LTF: variants seen among roughly 807,000 people sequenced by gnomAD.
LTF encodes lactotransferrin, also known as epididymis luminal protein 110.
LTF carries 91 observed loss-of-function variants against 87.2 expected under a neutral mutation model. The observed-to-expected ratio is 1.04, with a 90% confidence interval of 0.88 to 1.24. The LOEUF is 1.24. Among genes scored for constraint, LTF ranks in the 50% most tolerant of loss-of-function variants. LTF has a pLI of 0.00. For missense variants in LTF, 901 were observed against 904.3 expected (o/e 1.00, Z 0.05); for synonymous variants, 378 against 356.1 (o/e 1.06, Z -0.69).
chr3:46,465,080 C>A (rs1703182995), upstream of LTF: 1 of 597,938 alleles, frequency 1.7e-6, no homozygotes, highest in Non-Finnish European at 3.0e-6. Context: ...GAGAGGAAAG[C>A]CAGCCTGCAC....
intron 1 of LTF, among the ~76,000 whole-genome samples, chr3:46,484,368 T>C (rs556450889): frequency 3.1e-4 from 47 of 152,250 alleles, no homozygotes; most frequent in African/African-American, 1.1e-3. Flanking sequence ...CACTGCTTGA[T>C]CCTCAGCCAT....
At chr3:46,452,170 T>C (rs928541675) in intron 6 of LTF, among the ~76,000 whole-genome samples, 1 of 151,684 alleles carries the variant, frequency 6.6e-6, no homozygotes, top group African/African-American at 2.4e-5. Flanking sequence ...CTCAGAGGAG[T>C]AACAAGTTAT....
chr3:46,464,504 A>G (rs1335350086), intron 1 of LTF, among the ~76,000 whole-genome samples: 4 of 152,192 alleles, frequency 2.6e-5, no homozygotes, highest in African/African-American at 9.7e-5. Flanking sequence ...CTTTCCTCCC[A>G]GGTAAAACGC....
chr3:46,474,376 G>A (rs1420177929), intron 1 of LTF, among the ~76,000 whole-genome samples: 2 of 152,338 alleles, frequency 1.3e-5, no homozygotes, highest in African/African-American at 4.8e-5. Context: ...GAAACATTAT[G>A]TAATAATGAA....
Position 46,455,330 on chromosome 3 carries a change from G to A in LTF, c.612C>T (p.Ser204=), listed in dbSNP as rs150338070. 519 of 1,614,100 alleles carry A rather than the reference G, an allele frequency of 3.2e-4. 1 individual carries two copies. Among genetic ancestry groups the A allele is most frequent in the Non-Finnish European group, 4.0e-4 (468 of 1,180,046 alleles). ...GTGENKCAFS[S]QEPYFSYSGA... is the part of the protein sequence containing the mutation. The stretch of plus-strand genomic sequence containing the variant: ...CAGAGTAGCTGAAGTACGGTTCCTG[G>A]GAGGAGAAGGCACATTTGTTTTCCC... Residue 204 remains serine, a synonymous_variant, in exon 5 of 17, where the codon TCC becomes TCT. Coordinates refer to ENST00000231751, the MANE Select transcript of LTF (RefSeq NM_002343.6).
chr3:46,451,587 A>G (rs1427847115), intron 6 of LTF, among the ~76,000 whole-genome samples: 2 of 152,064 alleles, frequency 1.3e-5, no homozygotes, highest in East Asian at 3.9e-4. Context: ...AATAGATAGA[A>G]TCGGTAAAGT....
chr3:46,447,830 C>G (rs1038774711), intron 9 of LTF, among the ~76,000 whole-genome samples: 1 of 152,112 alleles, frequency 6.6e-6, no homozygotes, highest in African/African-American at 2.4e-5. Flanking sequence ...TGGCCCACCA[C>G]CAGAATGAAC....
At position 46,455,960 on chromosome 3, in the gene LTF, T is replaced by C. The variant is rs767396318; in HGVS notation, c.335A>G (p.Tyr112Cys). The stretch of plus-strand genomic sequence containing the variant: ...GCCCTTCTTCACCACAGCCACGGCA[T>C]AATAGTGAGTTCGTGGCTCTGCAAA... ...GTERQPRTHY[Y>C]AVAVVKKGGS... The change falls in exon 4 of 17, where the codon TAT (tyrosine) becomes TGT (cysteine). Residue 112 changes from tyrosine (Y) to cysteine (C), a missense_variant. Coordinates refer to ENST00000231751, the MANE Select transcript of LTF (RefSeq NM_002343.6). The C allele has an allele frequency of 5.6e-6, 9 of 1,597,480 alleles. No homozygotes were observed. In the South Asian group the frequency reaches 1.0e-4, roughly 18 times the overall value.
At chr3:46,457,904 A>G (rs1317036303) in intron 2 of LTF, among the ~76,000 whole-genome samples, 2 of 151,616 alleles carry the variant, frequency 1.3e-5, no homozygotes, top group African/African-American at 4.9e-5. Flanking sequence ...CAGCCTCCTG[A>G]GTAGCTGGGA....
rs6773340 is a variant in LTF at position 46,482,595 on chromosome 3, G to A, written c.-320+2391C>T. The stretch of plus-strand genomic sequence containing the variant: ...GAAAGGAAAGGAAGGGAGAAAGAGA[G>A]AGAAAGAAAGAAAGAAGAAAGAAAG... On this transcript the variant is annotated intron_variant, in intron 1 of 19. Coordinates refer to the LTF transcript ENST00000443496. 7.7e-3 allele frequency among the ~76,000 whole-genome samples: 604 copies of A among 78,108 alleles called. 108 individuals carry two copies. The highest frequency in any genetic ancestry group is 0.031 in the East Asian group (44 of 1,414). The allele number at this position is 78,108 out of a possible 152,430, so 51.2% of individuals were successfully genotyped here. A position where few individuals can be genotyped will look rare whatever the true frequency, so the allele number is the denominator to read the frequency against.
intron 1 of LTF, among the ~76,000 whole-genome samples, chr3:46,479,627 G>A (rs1480195837): frequency 3.3e-5 from 5 of 152,166 alleles, no homozygotes; most frequent in African/African-American, 4.8e-5. Flanking sequence ...GGGTTCAAGC[G>A]ATTCTCCTGC....
intron 7 of LTF, 24 bp downstream of exon 7, chr3:46,450,471 G>A (rs1702775112): frequency 1.3e-6 from 2 of 1,589,882 alleles, no homozygotes; most frequent in Non-Finnish European, 1.7e-6. Flanking sequence ...CCAAGCAAGT[G>A]GGGAGGACCG....
At position 46,459,877 on chromosome 3, in the gene LTF, G is replaced by T. The variant is rs150691853; in HGVS notation, c.44-58C>A. ...ACCACTGACTGAGGGCGTGACCACC[G>T]CACCCTCTGATGGAGTTTTCCAGAC... On this transcript the variant is annotated intron_variant, in intron 1 of 16. Coordinates refer to ENST00000231751, the MANE Select transcript of LTF (RefSeq NM_002343.6). 1.9e-4 allele frequency: 245 copies of T among 1,314,246 alleles called. No homozygotes were observed. In the African/African-American group the frequency reaches 2.9e-3, roughly 16 times the overall value. 81.4% of individuals were successfully genotyped at this position (1,314,246 alleles called of 1,614,324 possible). A position where few individuals can be genotyped will look rare whatever the true frequency, so the allele number is the denominator to read the frequency against.
intron 3 of LTF, 110 bp downstream of exon 3, chr3:46,456,180 G>T: frequency 9.7e-7 from 1 of 1,030,536 alleles, no homozygotes; most frequent in Non-Finnish European, 1.4e-6. Flanking sequence ...TTCCCTACAT[G>T]TGTGATGTGA....
upstream of LTF, among the ~76,000 whole-genome samples, chr3:46,467,883 A>T (rs1703236098): frequency 2.0e-5 from 3 of 151,968 alleles, no homozygotes; most frequent in Non-Finnish European, 4.4e-5. Flanking sequence ...GCTCCACATC[A>T]TGTGTTCATC....
intron 1 of LTF, among the ~76,000 whole-genome samples, chr3:46,461,720 A>G (rs1472959504): frequency 6.6e-6 from 1 of 152,170 alleles, no homozygotes. Context: ...ATAGTTGCAC[A>G]CTCGGTAAGG....
At chr3:46,438,384 C>T (rs1480305710) in intron 15 of LTF, among the ~76,000 whole-genome samples, 3 of 152,240 alleles carry the variant, frequency 2.0e-5, no homozygotes, top group African/African-American at 7.2e-5. Flanking sequence ...TCTTTCCTTC[C>T]TTCTTAACCT....
At chr3:46,482,986 T>C (rs1056063781) in intron 1 of LTF, among the ~76,000 whole-genome samples, 10 of 152,232 alleles carry the variant, frequency 6.6e-5, no homozygotes, top group Non-Finnish European at 1.3e-4. Context: ...GAAGCCCTGA[T>C]TTGTAGCATT....
Position 46,463,331 on chromosome 3 carries a change from C to G in LTF, c.43+1494G>C, listed in dbSNP as rs1703131549. The G allele has an allele frequency of 1.0e-5, 4 of 387,088 alleles. No homozygotes were observed. In the South Asian group the frequency reaches 4.2e-4, roughly 41 times the overall value. The allele number at this position is 387,088 out of a possible 1,614,324, so 24.0% of individuals were successfully genotyped here. A position where few individuals can be genotyped will look rare whatever the true frequency, so the allele number is the denominator to read the frequency against. On this transcript the variant is annotated intron_variant, in intron 1 of 16. Transcript: ENST00000231751. Reference sequence around the variant, plus strand: ...CTCATGATAGGGCCCAAGCAGACTGCTCAGACTGATGGGAAACCTCATGAG... The same window carrying G: ...CTCATGATAGGGCCCAAGCAGACTGGTCAGACTGATGGGAAACCTCATGAG...
Sources: gnomAD v4.1 joint callset for allele counts (sites outside exome capture counted in the v4.1 genomes callset) on GRCh38, gnomAD v4.1.1 for gene constraint, MANE v1.5 for transcripts, NCBI Gene and HGNC (gene_info 2026-07-23, HGNC 2026-07-21) for gene names.